The following SYT16 variants were observed in gnomAD, a reference collection of about 807,000 sequenced individuals.
The protein encoded by SYT16 is synaptotagmin 16, also known as synaptotagmin-16.
A neutral mutation model predicts 61.4 loss-of-function variants in SYT16; 42 were observed. The observed-to-expected ratio is 0.68, with a 90% confidence interval of 0.53 to 0.89. The LOEUF is 0.89. Among genes scored for constraint, SYT16 ranks in the 40% least tolerant of loss-of-function variants. SYT16 has a pLI of 0.00. For synonymous variants in SYT16, 314 were observed against 302.3 expected, an observed-to-expected ratio of 1.04 and a Z score of -0.40; for missense variants, 804 against 807.3, an observed-to-expected ratio of 1.00 and a Z score of 0.05.
intron 1 of SYT16, among the ~76,000 whole-genome samples, chr14:61,845,265 T>C (rs953477713): frequency 1.3e-5 from 2 of 152,108 alleles, no homozygotes; most frequent in African/African-American, 4.8e-5. Flanking sequence ...ACCAGGCTGG[T>C]CTTGAACTCC....
chr14:61,913,060 C>A (rs2048991884), intron 1 of SYT16, among the ~76,000 whole-genome samples: 1 of 152,194 alleles, frequency 6.6e-6, no homozygotes, highest in South Asian at 2.1e-4. Flanking sequence ...CCTTAGAAAT[C>A]TTCCCTTCTC....
intron 3 of SYT16, among the ~76,000 whole-genome samples, chr14:62,016,915 C>A (rs982026032): frequency 1.3e-5 from 2 of 152,076 alleles, no homozygotes; most frequent in Non-Finnish European, 2.9e-5. Flanking sequence ...TCCCTGTATC[C>A]CATCACCAGT....
chr14:62,075,808 G>A (rs1162421867), intron 5 of SYT16, among the ~76,000 whole-genome samples: 1 of 152,036 alleles, frequency 6.6e-6, no homozygotes, highest in Non-Finnish European at 1.5e-5. Context: ...CAAATCTCAA[G>A]TTACGATTAT....
chr14:62,056,994 T>TG (rs1325699102), intron 3 of SYT16, among the ~76,000 whole-genome samples: 22 of 152,026 alleles, frequency 1.4e-4, no homozygotes, highest in Admixed American at 1.4e-3. Flanking sequence ...TGAGCCGCGC[T>TG]GGGGGGCACG....
intron 1 of SYT16, among the ~76,000 whole-genome samples, chr14:61,924,529 A>G (rs2140412337): frequency 6.6e-6 from 1 of 152,296 alleles, no homozygotes; most frequent in South Asian, 2.1e-4. Flanking sequence ...AATTACCTGA[A>G]TGAAATCTTG....
intron 1 of SYT16, among the ~76,000 whole-genome samples, chr14:61,830,612 C>A (rs2045908436): frequency 6.6e-6 from 1 of 152,178 alleles, no homozygotes; most frequent in African/African-American, 2.4e-5. Flanking sequence ...GACAAGATTT[C>A]TTTATCCAGT....
intron 1 of SYT16, among the ~76,000 whole-genome samples, chr14:61,882,930 G>T (rs563821514): frequency 1.3e-4 from 20 of 152,316 alleles, no homozygotes; most frequent in African/African-American, 4.6e-4. Flanking sequence ...GATCTCCTTT[G>T]ACTCCATGTC....
At chr14:61,885,282 CT>C (rs1353450717) in intron 1 of SYT16, among the ~76,000 whole-genome samples, 2 of 152,034 alleles carry the variant, frequency 1.3e-5, no homozygotes, top group African/African-American at 4.8e-5. Context: ...GCCTCAGTTT[CT>C]TTATCTAAAA....
intron 1 of SYT16, among the ~76,000 whole-genome samples, chr14:61,866,139 C>T (rs2047144621): frequency 6.6e-6 from 1 of 151,640 alleles, no homozygotes; most frequent in Non-Finnish European, 1.5e-5. Flanking sequence ...AAGGAAACCA[C>T]CTTTGTAGTC....
chr14:62,071,871 A>G (rs1370504564), intron 4 of SYT16, among the ~76,000 whole-genome samples: 5 of 152,196 alleles, frequency 3.3e-5, no homozygotes, highest in African/African-American at 2.4e-5. Flanking sequence ...AACATGAGTG[A>G]GCTATTGGTA....
chr14:62,075,150 G>A lies in SYT16; in HGVS notation c.752G>A (p.Ser251Asn), dbSNP rs758800471. 6.2e-7 allele frequency: 1 copy of A among 1,608,636 alleles called. No individual in the cohort carries two copies. The highest frequency in any genetic ancestry group is 1.1e-5 in the South Asian group (1 of 90,408). ...GCAAATTTAGATTTGGATGGAGCCA[G>A]CCAACGGCGTTATTCTGAGAATCTC... ...VSACEDLDGA[S>N]QRRYSENLSY... Residue 251 changes from serine to asparagine, a missense_variant, in exon 5 of 8, where the codon AGC (serine) becomes AAC (asparagine). Physicochemically the swap from Ser to Asn is conservative, Grantham distance 46 (BLOSUM62 1). Transcript: ENST00000683842.
At chr14:61,818,523 C>A (rs2045512542) in intron 1 of SYT16, among the ~76,000 whole-genome samples, 1 of 151,854 alleles carries the variant, frequency 6.6e-6, no homozygotes, top group South Asian at 2.1e-4. Flanking sequence ...ACTAAAATTA[C>A]AAAAATTAGC....
chr14:61,848,552 A>T (rs2046513113), intron 1 of SYT16, among the ~76,000 whole-genome samples: 1 of 152,146 alleles, frequency 6.6e-6, no homozygotes, highest in Non-Finnish European at 1.5e-5. Context: ...GGCCTCATTC[A>T]AGGCCCACTG....
rs544752006 is a variant in SYT16 at position 62,047,858 on chromosome 14, A to G, written c.524-21745A>G. On this transcript the variant is annotated intron_variant, in intron 3 of 7. Coordinates refer to ENST00000683842, the MANE Select transcript of SYT16 (RefSeq NM_001367656.1). ...TCATGGTGGATAAGCTTTTTGATGT[A>G]CTACTGGATTCGGTTTGCCAGTATT... is the stretch of plus-strand genomic sequence containing the variant. 3.3e-5 allele frequency among the ~76,000 whole-genome samples: 5 copies of G among 152,238 alleles called. No individual in the cohort carries two copies. In the South Asian group the frequency reaches 8.3e-4, roughly 25 times the overall value.
intron 3 of SYT16, among the ~76,000 whole-genome samples, chr14:61,997,506 T>C (rs1361876784): frequency 1.3e-5 from 2 of 152,202 alleles, no homozygotes; most frequent in South Asian, 2.1e-4. Flanking sequence ...TATCCAGATA[T>C]ATGAAGTCTT....
intron 1 of SYT16, among the ~76,000 whole-genome samples, chr14:61,933,719 A>G (rs903842962): frequency 2.0e-5 from 3 of 152,208 alleles, no homozygotes; most frequent in African/African-American, 7.2e-5. Context: ...CAGGGTAGAT[A>G]GTGAGGGTTA....
intron 1 of SYT16, among the ~76,000 whole-genome samples, chr14:61,875,724 C>G (rs1377543826): frequency 6.6e-6 from 1 of 152,202 alleles, no homozygotes; most frequent in Admixed American, 6.5e-5. Context: ...GATGGCACCC[C>G]AGGTGCCATT....
chr14:62,059,286 C>T (rs547802295), intron 3 of SYT16, among the ~76,000 whole-genome samples: 11 of 152,166 alleles, frequency 7.2e-5, no homozygotes, highest in Non-Finnish European at 1.2e-4. Flanking sequence ...TGTGATTTTA[C>T]TGTGTCTTAC....
chr14:61,826,162 T>G (rs1203350568), intron 1 of SYT16, among the ~76,000 whole-genome samples: 1 of 152,098 alleles, frequency 6.6e-6, no homozygotes, highest in Non-Finnish European at 1.5e-5. Context: ...AGGTGCAAGG[T>G]TGGAACCAGC....
Sources: allele counts gnomAD v4.1 joint callset (sites outside exome capture counted in the v4.1 genomes callset), GRCh38; gene constraint gnomAD v4.1.1; transcripts MANE v1.5; gene names NCBI Gene and HGNC (gene_info 2026-07-23, HGNC 2026-07-21).